The following TASOR2 variants were observed in gnomAD, a reference collection of about 807,000 sequenced individuals.
The protein encoded by TASOR2 is transcription activation suppressor family member 2.
TASOR2 carries 84 observed loss-of-function variants against 199.5 expected under a neutral mutation model. The observed-to-expected ratio is 0.42, with a 90% CI of 0.35 to 0.50. The LOEUF is 0.50. TASOR2 is among the 20% of genes least tolerant of loss of function. TASOR2 has a pLI of 0.02. For synonymous variants in TASOR2, 1,103 were observed against 1,046.6 expected (o/e 1.05, Z -1.04); for missense variants, 2,796 against 2,835.9 (o/e 0.99, Z 0.32).
intron 17 of TASOR2, among the ~76,000 whole-genome samples, chr10:5,758,359 A>T (rs1454446360): frequency 2.0e-5 from 3 of 152,100 alleles, no homozygotes; most frequent in Non-Finnish European, 4.4e-5. Context: ...TGGGCAACAT[A>T]GTGAGATCCC....
chr10:5,712,575 T>A (rs894268049), intron 1 of TASOR2: 1 of 1,230,790 alleles, frequency 8.1e-7, no homozygotes, highest in Non-Finnish European at 1.0e-6. Flanking sequence ...TGGTTTTGTT[T>A]TAGTTTTAAA....
chr10:5,731,365 C>A (rs1588778446), intron 11 of TASOR2, among the ~76,000 whole-genome samples, 162 bp downstream of exon 12: 1 of 152,142 alleles, frequency 6.6e-6, no homozygotes, highest in East Asian at 1.9e-4. Context: ...CCTGTCTCTA[C>A]TAAAAATACA....
chr10:5,720,631 G>A lies in TASOR2; in HGVS notation c.-12G>A, dbSNP rs201891521. On this transcript the variant is annotated 5_prime_UTR_variant, in exon 4 of 21. Transcript: ENST00000328090. The surrounding 1 kb of genome is among the most constrained non-coding windows in gnomAD (Gnocchi z 5.3). ...TGTAATTGTAGCTTTTCGATACAGGGAATCTAAAACTATGGCACCACCAGC... is the reference window on the plus strand; with the variant it reads ...TGTAATTGTAGCTTTTCGATACAGGAAATCTAAAACTATGGCACCACCAGC... The A allele has an allele frequency of 4.3e-6, 7 of 1,613,854 alleles. No individual in the cohort carries two copies. The South Asian group carries it at 5.5e-5, about 13-fold the overall frequency.
At chr10:5,703,654 C>T (rs1255473260) in intron 1 of TASOR2, among the ~76,000 whole-genome samples, 1 of 151,688 alleles carries the variant, frequency 6.6e-6, no homozygotes, top group Admixed American at 6.6e-5. Flanking sequence ...CAGGCGCCCG[C>T]CACCACGCCC....
rs1163574154 is a variant in TASOR2, at chr10:5,701,081, TC to T, written c.-287-11739del. Among the ~76,000 whole-genome samples, 1 of 152,172 alleles carries T rather than the reference TC, an allele frequency of 6.6e-6. No homozygotes were observed. Among genetic ancestry groups the T allele is most frequent in the Non-Finnish European group, 1.5e-5 (1 of 68,014 alleles). ...GCCAGACTAGTATCCTGGAGTGTTT[TC>T]CCAGTGTTTTCTTCTGGTAGTTTCA... On this transcript the variant is annotated intron_variant, in intron 1 of 20. Coordinates refer to ENST00000328090, the Ensembl canonical transcript of TASOR2. This position sits in a 1 kb window ranked among gnomAD's most constrained non-coding sequence, Gnocchi z 4.9.
chr10:5,714,363 A>T, intron 2 of TASOR2, 156 bp downstream of exon 3: 1 of 416,782 alleles, frequency 2.4e-6, no homozygotes, highest in Non-Finnish European at 4.0e-6. Context: ...AAACATATGA[A>T]TGAGATTTGA....
intron 11 of TASOR2, among the ~76,000 whole-genome samples, chr10:5,733,822 T>C (rs530812656): frequency 6.6e-6 from 1 of 152,188 alleles, no homozygotes; most frequent in Non-Finnish European, 1.5e-5. Context: ...TTTTAGAAAA[T>C]GTAATTAGAG....
intron 12 of TASOR2, among the ~76,000 whole-genome samples, chr10:5,736,969 G>A (rs1229250407): frequency 6.6e-6 from 1 of 152,004 alleles, no homozygotes; most frequent in Admixed American, 6.6e-5. Context: ...GTTTTGTTTT[G>A]TTTTGTTTTG....
chr10:5,740,065 C>T lies in TASOR2; in HGVS notation c.1895C>T (p.Ser632Leu). Reference sequence around the variant, plus strand: ...AGTCAGGCCCCTGCTAAAGCCCAGTCAGCACTTACTGAGGAAATGCTAGAA... The same window carrying T: ...AGTCAGGCCCCTGCTAAAGCCCAGTTAGCACTTACTGAGGAAATGCTAGAA... Residue 632 changes from serine to leucine, a missense_variant, in exon 13 of 21, where the codon TCA (serine) becomes TTA (leucine). By Grantham distance (145) the Ser-to-Leu change is moderately radical. Coordinates refer to ENST00000328090, the Ensembl canonical transcript of TASOR2. This position sits in a 1 kb window ranked among gnomAD's most constrained non-coding sequence, Gnocchi z 5.3. The T allele has an allele frequency of 6.2e-7, 1 of 1,614,024 alleles. No individual in the cohort carries two copies. The highest frequency in any genetic ancestry group is 8.5e-7 in the Non-Finnish European group (1 of 1,180,024).
At chr10:5,718,603 A>T (rs931677880) in intron 3 of TASOR2, among the ~76,000 whole-genome samples, 5 of 151,858 alleles carry the variant, frequency 3.3e-5, no homozygotes, top group African/African-American at 1.2e-4. Flanking sequence ...CTAAAAGTAT[A>T]AAAAAATTAG....
At chr10:5,733,746 T>C (rs1835173196) in intron 11 of TASOR2, among the ~76,000 whole-genome samples, 2 of 152,378 alleles carry the variant, frequency 1.3e-5, no homozygotes, top group South Asian at 2.1e-4. Context: ...CTAATCTTTT[T>C]CTTTTTAATT....
At chr10:5,703,914 T>TTATA (rs1838237195) in intron 1 of TASOR2, among the ~76,000 whole-genome samples, 1 of 152,070 alleles carries the variant, frequency 6.6e-6, no homozygotes, top group South Asian at 2.1e-4. Flanking sequence ...TGTGCTAGAC[T>TTATA]TATAATTTGA....
At chr10:5,749,535 C>G in exon 15 of TASOR2, 3 of 1,614,084 alleles carry the variant, frequency 1.9e-6, no homozygotes, top group Non-Finnish European at 1.7e-6. Context: ...GCAGAAGCCC[C>G]CTTCTGGTAA....
chr10:5,746,573 C>T, exon 15 of TASOR2: 1 of 1,614,086 alleles, frequency 6.2e-7, no homozygotes, highest in Non-Finnish European at 8.5e-7. Context: ...AACCCGGAAC[C>T]AATTACTCTC....
At chr10:5,761,165 A>G in intron 18 of TASOR2, 125 bp from the exon 20 acceptor site, 4 of 760,074 alleles carry the variant, frequency 5.3e-6, no homozygotes, top group Non-Finnish European at 6.3e-6. Flanking sequence ...AAAGTGTGTC[A>G]TGAAAAAGAA....
intron 2 of TASOR2, 122 bp from the exon 3 acceptor site, chr10:5,714,013 C>G: frequency 2.3e-6 from 1 of 439,128 alleles, no homozygotes; most frequent in Admixed American, 4.6e-5. Context: ...TCAGCCTGGG[C>G]AATATAGTGA....
rs1835731767 is a variant in TASOR2, at chr10:5,737,159, C to G, written c.1447+1613C>G. Among the ~76,000 whole-genome samples the G allele has an allele frequency of 6.6e-6, 1 of 151,966 alleles. No homozygotes were observed. Among genetic ancestry groups the G allele is most frequent in the Non-Finnish European group, 1.5e-5 (1 of 67,986 alleles). On this transcript the variant is annotated intron_variant, in intron 12 of 20. Transcript: ENST00000328090. This position sits in a 1 kb window ranked among gnomAD's most constrained non-coding sequence, Gnocchi z 4.9. ...ATTTTTAGTAGAGATGGGGTTTAAC[C>G]ATTTTGGCCAGGATAGTCTCAACTT... is the stretch of plus-strand genomic sequence containing the variant.
In TASOR2 at chr10:5,747,816, T is replaced by C. The variant is rs749428504; in HGVS notation, c.4395T>C (p.Asp1465=). The change falls in exon 15 of 21, where the codon GAT becomes GAC. Residue 1465 remains aspartate, a synonymous_variant. Coordinates refer to ENST00000328090, the Ensembl canonical transcript of TASOR2. ...GTCCTACCCATCCAGTGGGGCAAGA[T>C]AACTTTACCCAGGTACAACAAATGC... 3 of 1,613,868 alleles carry C rather than the reference T, an allele frequency of 1.9e-6. 1 individual carries two copies. The Admixed American group carries it at 5.0e-5, about 27-fold the overall frequency.
intron 20 of TASOR2, 42 bp downstream of exon 21, chr10:5,762,688 T>A: frequency 2.2e-6 from 2 of 915,200 alleles, no homozygotes; most frequent in Non-Finnish European, 3.5e-6. Context: ...TGAGTTGGAG[T>A]TGTTGATGGC....
Sources: allele counts gnomAD v4.1 joint callset (sites outside exome capture counted in the v4.1 genomes callset), GRCh38; gene constraint gnomAD v4.1.1; non-coding constraint Gnocchi (gnomAD v3.1); transcripts MANE v1.5; gene names NCBI Gene and HGNC (gene_info 2026-07-23, HGNC 2026-07-21).